The following SLC71A2 variants were observed in gnomAD, a reference collection of about 807,000 sequenced individuals.
SLC71A2 encodes the protein hippocampus abundant transcript-like 1.
chr9:94,454,752 A>G, the SLC71A2 span, among the ~76,000 whole-genome samples: 966 of 152,310 alleles, frequency 6.3e-3, 13 homozygotes, highest in African/African-American at 0.022. Flanking sequence ...AAGCTTCACT[A>G]TGACTTATCA....
chr9:94,391,529 T>C, the SLC71A2 span, among the ~76,000 whole-genome samples: 14 of 151,570 alleles, frequency 9.2e-5, no homozygotes, highest in African/African-American at 2.9e-4. Context: ...TTAATTACTA[T>C]GATTAGTTTT....
At chr9:94,448,928 C>T in the SLC71A2 span, among the ~76,000 whole-genome samples, 7 of 152,268 alleles carry the variant, frequency 4.6e-5, no homozygotes, top group East Asian at 7.7e-4. Context: ...CCACTACACC[C>T]GATCTTTCCC....
the SLC71A2 span, among the ~76,000 whole-genome samples, chr9:94,382,339 A>G: frequency 2.6e-5 from 4 of 151,046 alleles, no homozygotes; most frequent in African/African-American, 9.7e-5. Flanking sequence ...CTAAACTTAT[A>G]TGTCTTCTGT....
At chr9:94,399,125 C>T in the SLC71A2 span, among the ~76,000 whole-genome samples, 1 of 152,184 alleles carries the variant, frequency 6.6e-6, no homozygotes, top group Non-Finnish European at 1.5e-5. Context: ...CCGGCTCTTT[C>T]AGCTTTTAAC....
At chr9:94,460,019 C>T in the SLC71A2 span, 2 of 152,606 alleles carry the variant, frequency 1.3e-5, no homozygotes, top group African/African-American at 4.8e-5. Flanking sequence ...ATATACACTT[C>T]TGGACATAAT....
At chr9:94,420,626 C>G in the SLC71A2 span, among the ~76,000 whole-genome samples, 1 of 148,568 alleles carries the variant, frequency 6.7e-6, no homozygotes, top group Non-Finnish European at 1.5e-5. Context: ...CAAGGCCAGG[C>G]GTGGTGGCTC....
the SLC71A2 span, among the ~76,000 whole-genome samples, chr9:94,434,167 TAAACTTAAATAG>T: frequency 6.6e-6 from 1 of 152,224 alleles, no homozygotes; most frequent in Non-Finnish European, 1.5e-5. Flanking sequence ...TATTCTACAT[TAAACTTAAATAG>T]TTTTAAAATC....
the SLC71A2 span, among the ~76,000 whole-genome samples, chr9:94,422,907 T>G: frequency 6.6e-6 from 1 of 151,220 alleles, no homozygotes; most frequent in African/African-American, 2.4e-5. Context: ...ATTGATATAT[T>G]TTCCTTATTC....
the SLC71A2 span, among the ~76,000 whole-genome samples, chr9:94,381,361 T>TG: frequency 6.2e-3 from 893 of 143,296 alleles, no homozygotes; most frequent in African/African-American, 0.021. Context: ...GCTTTTTTTT[T>TG]TTTTTGTTAT....
the SLC71A2 span, chr9:94,453,824 A>G: frequency 8.1e-5 from 53 of 651,614 alleles, no homozygotes; most frequent in African/African-American, 7.9e-4. Flanking sequence ...TACTGTCCAG[A>G]CTCTGAGGTT....
the SLC71A2 span, among the ~76,000 whole-genome samples, chr9:94,377,086 A>T: frequency 6.8e-6 from 1 of 146,612 alleles, no homozygotes; most frequent in Admixed American, 7.0e-5. Flanking sequence ...TAGCATGAGC[A>T]GGTAGCAGTG....
At chr9:94,422,038 G>A in the SLC71A2 span, among the ~76,000 whole-genome samples, 2 of 151,968 alleles carry the variant, frequency 1.3e-5, no homozygotes, top group Non-Finnish European at 1.5e-5. Context: ...TCAGCCTCCC[G>A]AGTCCCGGCT....
the SLC71A2 span, among the ~76,000 whole-genome samples, chr9:94,388,861 A>C: frequency 6.6e-6 from 1 of 152,372 alleles, no homozygotes; most frequent in East Asian, 1.9e-4. Context: ...GAAAGGATAC[A>C]TGAATACTGG....
At chr9:94,391,362 TAA>T in the SLC71A2 span, among the ~76,000 whole-genome samples, 113 of 130,256 alleles carry the variant, frequency 8.7e-4, no homozygotes, top group African/African-American at 2.2e-3. Flanking sequence ...GACTCTGTCT[TAA>T]AAAAAAAAAA....
chr9:94,385,454 A>G, the SLC71A2 span, among the ~76,000 whole-genome samples: 1 of 152,222 alleles, frequency 6.6e-6, no homozygotes, highest in East Asian at 1.9e-4. Context: ...TTAGCGTCAT[A>G]TATAAGAATC....
chr9:94,446,033 T>TA, the SLC71A2 span, among the ~76,000 whole-genome samples: 1 of 152,188 alleles, frequency 6.6e-6, no homozygotes, highest in South Asian at 2.1e-4. Context: ...GTGATCAAGT[T>TA]ATGCATCAAA....
At chr9:94,383,319 C>T in the SLC71A2 span, among the ~76,000 whole-genome samples, 1 of 151,934 alleles carries the variant, frequency 6.6e-6, no homozygotes, top group Non-Finnish European at 1.5e-5. Context: ...CACGCCACCA[C>T]ACCTGGCTAA....
chr9:94,423,261 C>CTG, the SLC71A2 span, among the ~76,000 whole-genome samples: 8 of 110,122 alleles, frequency 7.3e-5, no homozygotes, highest in East Asian at 1.4e-3. Flanking sequence ...TGTTCTCTCT[C>CTG]TCTCTTTTTT....
At chr9:94,457,422 A>G in the SLC71A2 span, among the ~76,000 whole-genome samples, 5 of 151,514 alleles carry the variant, frequency 3.3e-5, no homozygotes, top group Non-Finnish European at 2.9e-5. Flanking sequence ...TTAGTAAAAA[A>G]CTATATTGGA....
Sources: allele counts gnomAD v4.1 joint callset (sites outside exome capture counted in the v4.1 genomes callset), GRCh38; gene constraint gnomAD v4.1.1; transcripts MANE v1.5; gene names NCBI Gene and HGNC (gene_info 2026-07-23, HGNC 2026-07-21).